The following CCDC14 variants were observed in gnomAD, a reference collection of about 807,000 sequenced individuals.
CCDC14 encodes coiled-coil domain-containing protein 14.
A neutral mutation model predicts 81.4 loss-of-function variants in CCDC14; 71 were observed. That is an observed-to-expected ratio of 0.87 (90% confidence interval 0.72 to 1.06). The LOEUF is 1.06. Ranked by LOEUF, CCDC14 falls within the 50% of genes least tolerant of loss-of-function variation. The pLI is 0.00. For missense variants in CCDC14, 1,046 were observed against 1,047.3 expected (o/e 1.00, Z 0.02); for synonymous variants, 332 against 364.8 (o/e 0.91, Z 1.03).
chr3:123,948,748 A>AC lies in CCDC14; in HGVS notation c.626dup (p.Cys209TrpfsTer21). 3 of 1,600,638 alleles carry AC rather than the reference A, an allele frequency of 1.9e-6. No homozygotes were observed. The highest frequency in any genetic ancestry group is 2.5e-6 in the Non-Finnish European group (3 of 1,176,706). On this transcript the variant is annotated frameshift_variant, in exon 7 of 13. Coordinates refer to ENST00000409697, the MANE Select transcript of CCDC14 (RefSeq NM_001366335.1). LOFTEE classifies it high-confidence loss of function. The stretch of plus-strand genomic sequence containing the variant: ...GAAGTGACCAGACTGGGGTGGAGGT[A>AC]CATAAGCCATAACTAGAATGAGGAG...
At chr3:123,916,501 T>G (rs1035713148) in intron 12 of CCDC14, among the ~76,000 whole-genome samples, 7 of 150,084 alleles carry the variant, frequency 4.7e-5, no homozygotes, top group African/African-American at 1.7e-4. Flanking sequence ...TGTGTGTGTG[T>G]GGCACAATAC....
intron 2 of CCDC14, 63 bp from the exon 3 acceptor site, chr3:123,956,490 C>A: frequency 1.7e-6 from 2 of 1,164,780 alleles, no homozygotes; most frequent in South Asian, 2.9e-5. Context: ...AGTAAGTAGT[C>A]ATTTTCTTTC....
chr3:123,898,408 G>A (rs2148755578), intron 5 of CCDC14, among the ~76,000 whole-genome samples: 1 of 152,284 alleles, frequency 6.6e-6, no homozygotes, highest in East Asian at 1.9e-4. Flanking sequence ...GCCCCTGGTA[G>A]GCTAAAATTC....
intron 12 of CCDC14, among the ~76,000 whole-genome samples, chr3:123,923,863 T>C (rs986752834): frequency 1.3e-5 from 2 of 151,444 alleles, no homozygotes; most frequent in Admixed American, 1.3e-4. Flanking sequence ...GGAATATTCA[T>C]GCTACCCAAA....
At chr3:123,933,481 C>T (rs1284661457) in intron 10 of CCDC14, 192 bp downstream of exon 10, 10 of 557,078 alleles carry the variant, frequency 1.8e-5, no homozygotes, top group Non-Finnish European at 2.8e-5. Context: ...TAAAAGGAAA[C>T]ACACTCCTGT....
intron 5 of CCDC14, among the ~76,000 whole-genome samples, chr3:123,951,863 T>TATA (rs1354354955): frequency 2.0e-5 from 3 of 152,208 alleles, no homozygotes. Context: ...TCTGCTCCTT[T>TATA]ATAAACTCAG....
chr3:123,924,251 T>C (rs2035230502), intron 12 of CCDC14, among the ~76,000 whole-genome samples: 2 of 152,190 alleles, frequency 1.3e-5, no homozygotes, highest in South Asian at 2.1e-4. Context: ...AAGAATGGAA[T>C]TGGATTCTTA....
intron 9 of CCDC14, among the ~76,000 whole-genome samples, chr3:123,942,934 G>T (rs994705876): frequency 6.6e-6 from 1 of 151,948 alleles, no homozygotes; most frequent in African/African-American, 2.4e-5. Context: ...AAATATCAAA[G>T]AATTTTACTT....
chr3:123,887,756 A>G, the CCDC14 span, among the ~76,000 whole-genome samples: 1 of 152,196 alleles, frequency 6.6e-6, no homozygotes, highest in Non-Finnish European at 1.5e-5. Flanking sequence ...TTTCAAATAC[A>G]TATATTTTGT....
chr3:123,960,636 A>G (rs911856306), intron 1 of CCDC14, among the ~76,000 whole-genome samples: 1 of 152,266 alleles, frequency 6.6e-6, no homozygotes, highest in African/African-American at 2.4e-5. Context: ...GTTATCATTA[A>G]GATGGTGGCA....
chr3:123,949,030 C>T lies in CCDC14; in HGVS notation c.455G>A (p.Arg152Lys). ...TTGGTATATTATGGGTGAATACATT[C>T]TATAATGATCTTGCAATGACCAGTT... ...EQNWSLQDHY[R>K]MYSPIIYQAL... The change falls in exon 6 of 13, where the codon AGA (arginine) becomes AAA (lysine). Residue 152 changes from arginine (R) to lysine (K), a missense_variant. By Grantham distance (26) the Arg-to-Lys change is conservative. Coordinates refer to ENST00000409697, the MANE Select transcript of CCDC14 (RefSeq NM_001366335.1). The T allele has an allele frequency of 6.2e-7, 1 of 1,613,672 alleles. No homozygotes were observed. The highest frequency in any genetic ancestry group is 8.5e-7 in the Non-Finnish European group (1 of 1,179,730).
intron 5 of CCDC14, among the ~76,000 whole-genome samples, chr3:123,906,081 G>C (rs1370978528): frequency 3.3e-5 from 5 of 152,176 alleles, no homozygotes. Flanking sequence ...TGTAATCCCA[G>C]CACTTTGGGA....
chr3:123,901,022 A>C (rs1393831052), intron 5 of CCDC14, among the ~76,000 whole-genome samples: 1 of 152,124 alleles, frequency 6.6e-6, no homozygotes, highest in Admixed American at 6.5e-5. Flanking sequence ...TCGTGAGGTC[A>C]GGAGATCGAG....
intron 5 of CCDC14, among the ~76,000 whole-genome samples, chr3:123,900,325 A>T (rs2034154190): frequency 6.6e-6 from 1 of 152,218 alleles, no homozygotes; most frequent in African/African-American, 2.4e-5. Context: ...CCCACTGGAA[A>T]AACTGGCTAA....
In CCDC14 at chr3:123,931,420, A is replaced by T; in HGVS notation, c.1533T>A (p.Ile511=). The T allele has an allele frequency of 6.4e-7, 1 of 1,555,606 alleles. No homozygotes were observed. The highest frequency in any genetic ancestry group is 8.7e-7 in the Non-Finnish European group (1 of 1,146,426). ...QSKNEELLKV[I]ENQKDENKKF... ...TTTTGTTTTCATCTTTCTGATTTTCAATCACTTTTAACAGCTCTTCATTTT... is the reference window on the plus strand; with the variant it reads ...TTTTGTTTTCATCTTTCTGATTTTCTATCACTTTTAACAGCTCTTCATTTT... The change falls in exon 11 of 13, where the codon ATT becomes ATA. Residue 511 remains isoleucine (I), a synonymous_variant. Transcript: ENST00000409697.
intron 5 of CCDC14, among the ~76,000 whole-genome samples, chr3:123,903,930 T>C (rs898894208): frequency 6.6e-6 from 1 of 152,024 alleles, no homozygotes; most frequent in Non-Finnish European, 1.5e-5. Flanking sequence ...GAGAGAAGGG[T>C]CTGTAGGACT....
intron 7 of CCDC14, among the ~76,000 whole-genome samples, chr3:123,947,686 A>C (rs967826805): frequency 6.6e-6 from 1 of 152,138 alleles, no homozygotes; most frequent in African/African-American, 2.4e-5. Flanking sequence ...TATTTTAGTC[A>C]TGGCCTTGTA....
rs146809926 is a variant in CCDC14 at position 123,938,219 on chromosome 3, T to C, written c.1344-4464A>G. 6.6e-5 allele frequency among the ~76,000 whole-genome samples: 10 copies of C among 151,972 alleles called. No individual in the cohort carries two copies. The East Asian group carries it at 1.9e-3, about 29-fold the overall frequency. ...AATTACATAAAATCTATACATCAAT[T>C]TGGGGAGAAGTGATATCTTAAGTCT... is the stretch of plus-strand genomic sequence containing the variant. On this transcript the variant is annotated intron_variant, in intron 9 of 12. Transcript: ENST00000409697.
In CCDC14 at chr3:123,931,352, T is replaced by G; in HGVS notation, c.1601A>C (p.Glu534Ala). 1.3e-6 allele frequency: 2 copies of G among 1,523,536 alleles called. No homozygotes were observed. The highest frequency in any genetic ancestry group is 1.2e-5 in the South Asian group (1 of 83,068). 94.4% of individuals were successfully genotyped at this position (1,523,536 alleles called of 1,614,324 possible). The stretch of plus-strand genomic sequence containing the variant: ...CTCAATATCATATTGCTGTTTATTT[T>G]CAAGTATAGTTTGATCTTTGTCTTT... Reference protein sequence around the residue: ...IFKDKDQTILENKQQYDIEIT... With the variant: ...IFKDKDQTILANKQQYDIEIT... The change falls in exon 11 of 13, where the codon GAA becomes GCA. Residue 534 changes from glutamate (E) to alanine (A), a missense_variant. Glu to Ala is a moderately radical substitution (Grantham distance 107). Transcript: ENST00000409697.
Sources: allele counts gnomAD v4.1 joint callset (sites outside exome capture counted in the v4.1 genomes callset), GRCh38; gene constraint gnomAD v4.1.1; transcripts MANE v1.5; gene names NCBI Gene and HGNC (gene_info 2026-07-23, HGNC 2026-07-21).